The following PRKCE variants were observed in gnomAD, a reference collection of about 807,000 sequenced individuals.
PRKCE encodes protein kinase C epsilon.
In PRKCE, 16 loss-of-function variants were observed where a neutral mutation model predicts 85.4. The observed-to-expected ratio is 0.19, with a 90% CI of 0.13 to 0.28. PRKCE has a LOEUF of 0.28. Ranked by LOEUF, PRKCE falls within the 10% of genes least tolerant of loss-of-function variation. The pLI, the probability that PRKCE is intolerant of heterozygous loss-of-function variation, is 1.00. For synonymous variants in PRKCE, 388 were observed against 371.5 expected (o/e 1.04, Z -0.51); for missense variants, 573 against 975.2 (o/e 0.59, Z 5.49).
intron 1 of PRKCE, among the ~76,000 whole-genome samples, chr2:45,662,575 C>A (rs1490257850): frequency 6.6e-6 from 1 of 152,090 alleles, no homozygotes; most frequent in Non-Finnish European, 1.5e-5. Context: ...TGACTCAGCT[C>A]CTGGACCCTA....
chr2:45,917,417 C>T (rs961237772), intron 2 of PRKCE, among the ~76,000 whole-genome samples: 1 of 149,430 alleles, frequency 6.7e-6, no homozygotes. Context: ...TCTGCAAGGC[C>T]CCACCAGAGT....
chr2:46,079,070 G>T (rs1338147792), intron 10 of PRKCE, among the ~76,000 whole-genome samples: 4 of 151,620 alleles, frequency 2.6e-5, no homozygotes, highest in African/African-American at 9.7e-5. Context: ...CCAGCTACCC[G>T]GGAGGCTGAG....
chr2:45,694,518 G>A lies in PRKCE; in HGVS notation c.348+42070G>A, dbSNP rs1206913945. 2.0e-5 allele frequency among the ~76,000 whole-genome samples: 3 copies of A among 152,162 alleles called. No individual in the cohort carries two copies. In the East Asian group the frequency reaches 5.8e-4, roughly 29 times the overall value. On this transcript the variant is annotated intron_variant, in intron 1 of 14. Coordinates refer to ENST00000306156, the MANE Select transcript of PRKCE (RefSeq NM_005400.3). Reference sequence around the variant, plus strand: ...GAGGAACAGGTTTCCTGTCTTCATGGAACTTATGTGGGACTAACAGCCTGT... The same window carrying A: ...GAGGAACAGGTTTCCTGTCTTCATGAAACTTATGTGGGACTAACAGCCTGT...
intron 2 of PRKCE, among the ~76,000 whole-genome samples, chr2:45,863,314 G>T (rs1036491871): frequency 2.6e-5 from 4 of 152,044 alleles, no homozygotes; most frequent in East Asian, 1.9e-4. Context: ...CCTACATAAA[G>T]GTAGGAAAAC....
intron 2 of PRKCE, among the ~76,000 whole-genome samples, chr2:45,940,502 G>T (rs942801812): frequency 6.6e-6 from 1 of 152,196 alleles, no homozygotes; most frequent in African/African-American, 2.4e-5. Context: ...GGAGACGTCT[G>T]GCTTAGTAGG....
intron 2 of PRKCE, among the ~76,000 whole-genome samples, chr2:45,860,631 G>T (rs1471824271): frequency 1.3e-5 from 2 of 152,228 alleles, no homozygotes; most frequent in Non-Finnish European, 2.9e-5. Flanking sequence ...GAGTGCTGGG[G>T]AGGGGGTGTA....
chr2:45,689,572 A>G (rs1320397562), intron 1 of PRKCE, among the ~76,000 whole-genome samples: 1 of 151,232 alleles, frequency 6.6e-6, no homozygotes. Flanking sequence ...TTTAATAAAT[A>G]TACATAGCAA....
intron 11 of PRKCE, among the ~76,000 whole-genome samples, chr2:46,127,767 G>C (rs989003968): frequency 6.6e-6 from 1 of 152,214 alleles, no homozygotes; most frequent in African/African-American, 2.4e-5. Context: ...GCATAGCTCT[G>C]CCTAACTTGC....
intron 2 of PRKCE, among the ~76,000 whole-genome samples, chr2:45,848,583 T>C (rs547778626): frequency 6.6e-6 from 1 of 152,334 alleles, no homozygotes; most frequent in African/African-American, 2.4e-5. Context: ...AGTGCTGGGA[T>C]TACAGGTGTG....
chr2:45,698,997 C>A (rs181091960), intron 1 of PRKCE, among the ~76,000 whole-genome samples: 13 of 152,126 alleles, frequency 8.5e-5, no homozygotes, highest in Admixed American at 3.3e-4. Flanking sequence ...TGTTTTAAGA[C>A]TCTTTATAAA....
At chr2:45,726,866 C>T (rs908710029) in intron 1 of PRKCE, among the ~76,000 whole-genome samples, 15 of 152,178 alleles carry the variant, frequency 9.9e-5, no homozygotes, top group African/African-American at 3.6e-4. Flanking sequence ...AGAAGCAGAA[C>T]TGAATTCCAG....
intron 1 of PRKCE, among the ~76,000 whole-genome samples, chr2:45,802,689 A>G (rs1323839751): frequency 1.3e-5 from 2 of 152,184 alleles, no homozygotes; most frequent in Admixed American, 6.5e-5. Flanking sequence ...ACAGCCCGGG[A>G]TTTGACAGAT....
At chr2:45,817,688 T>C (rs1430058421) in intron 1 of PRKCE, among the ~76,000 whole-genome samples, 1 of 152,096 alleles carries the variant, frequency 6.6e-6, no homozygotes, top group Non-Finnish European at 1.5e-5. Flanking sequence ...AGCGAGACTC[T>C]GTCTCAAAAA....
intron 2 of PRKCE, among the ~76,000 whole-genome samples, chr2:45,884,928 C>A (rs1338426268): frequency 7.6e-6 from 1 of 131,250 alleles, no homozygotes; most frequent in East Asian, 2.1e-4. Context: ...ATTGTATAAG[C>A]TGCGTGTGAT....
In PRKCE at chr2:46,063,361, A is replaced by AG. The variant is rs1667331023; in HGVS notation, c.1438-22847_1438-22846insG. 3.9e-5 allele frequency among the ~76,000 whole-genome samples: 6 copies of AG among 152,244 alleles called. No homozygotes were observed. The South Asian group carries it at 1.0e-3, about 26-fold the overall frequency. On this transcript the variant is annotated intron_variant, in intron 10 of 14. Coordinates refer to ENST00000306156, the MANE Select transcript of PRKCE (RefSeq NM_005400.3). Reference sequence around the variant, plus strand: ...TGAAGTTGAACAGAAAAAAAAAAAAAAAGTCGGGGCGGAGCTGTCTTTTCT... The same window carrying AG: ...TGAAGTTGAACAGAAAAAAAAAAAAAGAAGTCGGGGCGGAGCTGTCTTTTCT...
At chr2:46,136,225 C>G (rs1030843555) in intron 11 of PRKCE, among the ~76,000 whole-genome samples, 2 of 152,078 alleles carry the variant, frequency 1.3e-5, no homozygotes, top group African/African-American at 2.4e-5. Context: ...CATTGGAAAA[C>G]GAGCGAAGAA....
chr2:45,709,905 G>A (rs1367360034), intron 1 of PRKCE, among the ~76,000 whole-genome samples: 1 of 152,108 alleles, frequency 6.6e-6, no homozygotes, highest in Non-Finnish European at 1.5e-5. Context: ...CACCTCCCAG[G>A]TTCAAGTGAT....
rs528032777 is a variant in PRKCE at position 46,134,671 on chromosome 2, A to T, written c.1593-10422A>T. Among the ~76,000 whole-genome samples the T allele has an allele frequency of 1.1e-3, 173 of 152,340 alleles. 1 individual carries two copies. The highest frequency in any genetic ancestry group is 3.9e-3 in the African/African-American group (164 of 41,582). ...TGGAAAGGCCCTTGGGGATTAACTC[A>T]TCCAGCCGTCTTATCTCATATTTGA... On this transcript the variant is annotated intron_variant, in intron 11 of 14. Coordinates refer to ENST00000306156, the MANE Select transcript of PRKCE (RefSeq NM_005400.3).
intron 1 of PRKCE, among the ~76,000 whole-genome samples, chr2:45,827,069 C>A (rs527850098): frequency 1.3e-5 from 2 of 152,222 alleles, no homozygotes; most frequent in Admixed American, 6.5e-5. Flanking sequence ...TCACTCACGG[C>A]CAAAGCCAAA....
Sources: allele counts gnomAD v4.1 joint callset (sites outside exome capture counted in the v4.1 genomes callset), GRCh38; gene constraint gnomAD v4.1.1; transcripts MANE v1.5; gene names NCBI Gene and HGNC (gene_info 2026-07-23, HGNC 2026-07-21).